URI1: variants seen among roughly 807,000 people sequenced by gnomAD.
URI1 encodes the protein unconventional prefoldin RPB5 interactor 1.
In URI1, 39 loss-of-function variants were observed where a neutral mutation model predicts 60.2. The ratio of observed to expected loss-of-function variants is 0.65; its 90% CI spans 0.50 to 0.85. The LOEUF (loss-of-function observed/expected upper bound fraction) is 0.85. URI1 is among the 40% of genes least tolerant of loss of function. The pLI, the probability that URI1 is intolerant of heterozygous loss-of-function variation, is 0.00. For missense variants in URI1, 691 were observed against 665.9 expected, an observed-to-expected ratio of 1.04 and a Z score of -0.42; for synonymous variants, 251 against 236.8, an observed-to-expected ratio of 1.06 and a Z score of -0.55.
chr19:29,962,885 A>C (rs1031245892), intron 1 of URI1, among the ~76,000 whole-genome samples: 1 of 152,002 alleles, frequency 6.6e-6, no homozygotes, highest in Admixed American at 6.5e-5. Context: ...GTATGTCACT[A>C]TAGATTTTCA....
chr19:29,961,675 G>GT (rs200425572), intron 1 of URI1, among the ~76,000 whole-genome samples: 85 of 117,598 alleles, frequency 7.2e-4, no homozygotes, highest in African/African-American at 2.3e-3. Context: ...TTTTTTTTTT[G>GT]TTTTTTTTTT....
intron 1 of URI1, among the ~76,000 whole-genome samples, chr19:29,955,780 A>T (rs1025078838): frequency 6.6e-6 from 1 of 151,660 alleles, no homozygotes; most frequent in Non-Finnish European, 1.5e-5. Context: ...TAGTTGAGAC[A>T]GGATTTCACC....
At chr19:30,014,866 A>C (rs766800285) in intron 10 of URI1, 21 bp from the exon 11 acceptor site, 1 of 1,602,650 alleles carries the variant, frequency 6.2e-7, no homozygotes, top group Non-Finnish European at 8.5e-7. Context: ...TTATTACCAT[A>C]ACCTGACTTT....
At position 30,016,120 on chromosome 19, in the gene URI1, C is replaced by T. The variant is rs1362759450; in HGVS notation, c.*1051C>T. ...AAATAAGCCATCAATGCCAGTCCAC[C>T]CTCTCTATTCATGGCTAAATATTTA... On this transcript the variant is annotated 3_prime_UTR_variant, in exon 11 of 11. Transcript: ENST00000392271. 1.3e-5 allele frequency: 2 copies of T among 152,112 alleles called. No homozygotes were observed. Among genetic ancestry groups the T allele is most frequent in the African/African-American group, 2.4e-5 (1 of 41,424 alleles). 9.4% of individuals were successfully genotyped at this position (152,112 alleles called of 1,614,324 possible). A position where few individuals can be genotyped will look rare whatever the true frequency, so the allele number is the denominator to read the frequency against.
chr19:29,998,645 A>G, intron 4 of URI1, among the ~76,000 whole-genome samples: 1 of 151,992 alleles, frequency 6.6e-6, no homozygotes, highest in Admixed American at 6.6e-5. Context: ...TTTGGTTACT[A>G]TTGGTATGGA....
chr19:29,942,738 CG>C, intron 1 of URI1, 74 bp downstream of exon 1: 1 of 1,292,328 alleles, frequency 7.7e-7, no homozygotes, highest in Non-Finnish European at 9.8e-7. Flanking sequence ...GCCGCCGCCC[CG>C]CGTGGCCTAG....
intron 1 of URI1, among the ~76,000 whole-genome samples, chr19:29,949,827 G>T (rs1410217135): frequency 6.6e-6 from 1 of 152,146 alleles, no homozygotes; most frequent in Non-Finnish European, 1.5e-5. Flanking sequence ...GGAGAATCAG[G>T]CAGGGAGGTT....
Position 30,015,787 on chromosome 19 carries a change from G to A in URI1, c.*718G>A. On this transcript the variant is annotated 3_prime_UTR_variant, in exon 11 of 11. Coordinates refer to ENST00000392271, the MANE Select transcript of URI1 (RefSeq NM_003796.3). Reference sequence around the variant, plus strand: ...TGTATGCTACATGTATCACACAACAGATCTGGAATTCTTTCAGTTCCTCAG... The same window carrying A: ...TGTATGCTACATGTATCACACAACAAATCTGGAATTCTTTCAGTTCCTCAG... 1 of 451,710 alleles carries A rather than the reference G, an allele frequency of 2.2e-6. No individual in the cohort carries two copies. 28.0% of individuals were successfully genotyped at this position (451,710 alleles called of 1,614,324 possible).
At chr19:29,924,674 A>G (rs2054850680) in intron 1 of URI1, among the ~76,000 whole-genome samples, 1 of 152,058 alleles carries the variant, frequency 6.6e-6, no homozygotes, top group African/African-American at 2.4e-5. Flanking sequence ...GACTGATGGG[A>G]TGGCTGGAGT....
intron 1 of URI1, 144 bp from the exon 2 acceptor site, chr19:29,971,049 T>G: frequency 1.3e-6 from 1 of 756,816 alleles, no homozygotes; most frequent in Non-Finnish European, 2.2e-6. Flanking sequence ...AACGTTCACA[T>G]CTCTGTGCAT....
At chr19:29,931,317 G>A (rs1307184591) in intron 1 of URI1, among the ~76,000 whole-genome samples, 1 of 152,018 alleles carries the variant, frequency 6.6e-6, no homozygotes, top group Non-Finnish European at 1.5e-5. Context: ...GGAAACTAAG[G>A]ATCCATGATG....
chr19:29,985,184 TC>T, intron 2 of URI1, 38 bp from the exon 3 acceptor site: 1 of 553,540 alleles, frequency 1.8e-6, no homozygotes, highest in Non-Finnish European at 3.0e-6. Context: ...AAAAGAAAAA[TC>T]GTTAATAATG....
intron 9 of URI1, among the ~76,000 whole-genome samples, chr19:30,011,909 GA>G (rs2056025547): frequency 1.6e-5 from 2 of 121,948 alleles, no homozygotes; most frequent in African/African-American, 6.1e-5. Flanking sequence ...GGGGTGGGGG[GA>G]GGGGGGAAGG....
chr19:29,966,526 C>G (rs1430353532), intron 1 of URI1, among the ~76,000 whole-genome samples: 1 of 152,182 alleles, frequency 6.6e-6, no homozygotes, highest in African/African-American at 2.4e-5. Context: ...GTAGTCAATT[C>G]CTCCCTTATT....
At position 30,015,187 on chromosome 19, in the gene URI1, A is replaced by C. The variant is rs575204391; in HGVS notation, c.*118A>C. On this transcript the variant is annotated 3_prime_UTR_variant, in exon 11 of 11. Coordinates refer to ENST00000392271, the MANE Select transcript of URI1 (RefSeq NM_003796.3). ...ATAAGGTATCCTGAGTTACTTTGGC[A>C]ACAAGTTCTTTTACCCTTACCCGTG... 2.8e-6 allele frequency: 4 copies of C among 1,453,282 alleles called. No individual in the cohort carries two copies. The South Asian group carries it at 6.2e-5, about 23-fold the overall frequency. The allele number at this position is 1,453,282 out of a possible 1,614,324, so 90.0% of individuals were successfully genotyped here. A position where few individuals can be genotyped will look rare whatever the true frequency, so the allele number is the denominator to read the frequency against.
chr19:29,931,700 G>T (rs2054918538), intron 1 of URI1, among the ~76,000 whole-genome samples: 1 of 152,074 alleles, frequency 6.6e-6, no homozygotes, highest in Admixed American at 6.6e-5. Flanking sequence ...GTGTTTTGTA[G>T]TTTTCGATGT....
chr19:29,949,206 G>T (rs571994121), intron 1 of URI1, among the ~76,000 whole-genome samples: 1 of 148,936 alleles, frequency 6.7e-6, no homozygotes, highest in African/African-American at 2.5e-5. Context: ...GGCGGCTGCC[G>T]GGCGGAGGGG....
intron 9 of URI1, among the ~76,000 whole-genome samples, chr19:30,012,045 AATAAAATAAATAAATAAC>A (rs1187233516): frequency 1.3e-5 from 2 of 152,162 alleles, no homozygotes; most frequent in Non-Finnish European, 2.9e-5. Context: ...CTTAAAGTAT[AATAAAATAAATAAATAAC>A]ATGCTGTGTT....
At chr19:30,010,453 G>A (rs1427249530) in intron 8 of URI1, among the ~76,000 whole-genome samples, 1 of 152,082 alleles carries the variant, frequency 6.6e-6, no homozygotes, top group Non-Finnish European at 1.5e-5. Context: ...CTTTTGCCAG[G>A]CTTTTACTTT....
Sources: allele counts gnomAD v4.1 joint callset (sites outside exome capture counted in the v4.1 genomes callset), GRCh38; gene constraint gnomAD v4.1.1; transcripts MANE v1.5; gene names NCBI Gene and HGNC (gene_info 2026-07-23, HGNC 2026-07-21).